FHOD3: variants seen among roughly 807,000 people sequenced by gnomAD.
The protein encoded by FHOD3 is FH1/FH2 domain-containing protein 3.
Under a neutral mutation model 173.0 loss-of-function variants are expected in FHOD3, and 90 were observed. That is an observed-to-expected ratio of 0.52 (90% CI 0.44 to 0.62). The LOEUF is 0.62. Among genes scored for constraint, FHOD3 ranks in the 20% least tolerant of loss-of-function variants. The pLI is 0.00. For synonymous variants in FHOD3, 828 were observed against 823.0 expected, an observed-to-expected ratio of 1.01 and a Z score of -0.10; for missense variants, 1,945 against 2,034.7, an observed-to-expected ratio of 0.96 and a Z score of 0.85.
In FHOD3 at chr18:36,677,162, AT is replaced by A. The variant is rs111799901; in HGVS notation, c.1836-4260del. Among the ~76,000 whole-genome samples, 907 of 140,588 alleles carry A rather than the reference AT, an allele frequency of 6.5e-3. 1 individual carries two copies. Among genetic ancestry groups the A allele is most frequent in the Non-Finnish European group, 6.6e-3 (423 of 63,970 alleles). The allele number at this position is 140,588 out of a possible 152,430, so 92.2% of individuals were successfully genotyped here. ...TTTGGTATAAGGTGGGACTAGTTGT[AT>A]TTTTTTTTTTTTTAGATGGAGTTTT... On this transcript the variant is annotated intron_variant, in intron 14 of 28. Transcript: ENST00000590592.
intron 25 of FHOD3, among the ~76,000 whole-genome samples, chr18:36,758,412 G>A (rs1177351080): frequency 6.6e-6 from 1 of 152,214 alleles, no homozygotes; most frequent in Non-Finnish European, 1.5e-5. Flanking sequence ...GTAACTTAAA[G>A]CAGTTTAGTG....
intron 14 of FHOD3, among the ~76,000 whole-genome samples, chr18:36,667,661 T>G (rs886565864): frequency 6.6e-6 from 1 of 152,110 alleles, no homozygotes; most frequent in East Asian, 1.9e-4. Context: ...TACATCTATG[T>G]GGGGTACTCA....
rs1231865825 is a variant in FHOD3, at chr18:36,693,353, C to T, written c.2166C>T (p.Pro722=). 6.2e-7 allele frequency: 1 copy of T among 1,613,876 alleles called. No homozygotes were observed. Among genetic ancestry groups the T allele is most frequent in the Admixed American group, 1.7e-5 (1 of 60,004 alleles). The change falls in exon 17 of 29, where the codon CCC becomes CCT. Residue 722 remains proline, a synonymous_variant. Transcript: ENST00000590592. The stretch of plus-strand genomic sequence containing the variant: ...GCCTGGCTCCTCTGAGCCATAGCCC[C>T]TCATCTTCAGACTCTCAAGAGGCTC... ...PACLAPLSHS[P]SSSDSQEALT...
chr18:36,484,267 T>C (rs2054078207), intron 3 of FHOD3, among the ~76,000 whole-genome samples: 1 of 152,218 alleles, frequency 6.6e-6, no homozygotes, highest in African/African-American at 2.4e-5. Flanking sequence ...TTCAATTGTC[T>C]AGTTCTTTTA....
At chr18:36,379,667 C>A (rs1401250878) in intron 3 of FHOD3, among the ~76,000 whole-genome samples, 2 of 152,154 alleles carry the variant, frequency 1.3e-5, no homozygotes, top group African/African-American at 2.4e-5. Flanking sequence ...TCCTATCCAG[C>A]AAAACATCAG....
chr18:36,719,290 G>T (rs1327677990), intron 19 of FHOD3, among the ~76,000 whole-genome samples: 5 of 152,128 alleles, frequency 3.3e-5, no homozygotes, highest in African/African-American at 4.8e-5. Flanking sequence ...TTAGTATTTT[G>T]GATAAATGTT....
chr18:36,640,545 T>C (rs1372856281), intron 10 of FHOD3, among the ~76,000 whole-genome samples: 2 of 152,224 alleles, frequency 1.3e-5, no homozygotes, highest in Non-Finnish European at 2.9e-5. Context: ...CCATGTTCTT[T>C]ACCATAAATG....
chr18:36,365,796 C>CA (rs2046870905), intron 2 of FHOD3, among the ~76,000 whole-genome samples: 1 of 152,142 alleles, frequency 6.6e-6, no homozygotes, highest in East Asian at 1.9e-4. Flanking sequence ...GATGAGAGGA[C>CA]ACTAGCTGAG....
intron 17 of FHOD3, among the ~76,000 whole-genome samples, chr18:36,700,569 C>T (rs1266882678): frequency 1.3e-5 from 2 of 152,126 alleles, no homozygotes; most frequent in Non-Finnish European, 2.9e-5. Flanking sequence ...CTCTTCATTG[C>T]CATTGCGTTA....
intron 3 of FHOD3, among the ~76,000 whole-genome samples, chr18:36,387,752 G>A (rs78072408): frequency 1.3e-5 from 2 of 152,038 alleles, no homozygotes; most frequent in African/African-American, 2.4e-5. Flanking sequence ...CCTCCACCCC[G>A]CATTGGCAGG....
chr18:36,303,002 C>G (rs1357846495), intron 1 of FHOD3, among the ~76,000 whole-genome samples: 1 of 152,212 alleles, frequency 6.6e-6, no homozygotes, highest in African/African-American at 2.4e-5. Flanking sequence ...AGCCAGACAT[C>G]CAGCAGGTGC....
At chr18:36,694,701 C>T (rs1373934433) in intron 17 of FHOD3, among the ~76,000 whole-genome samples, 4 of 152,176 alleles carry the variant, frequency 2.6e-5, no homozygotes, top group African/African-American at 9.7e-5. Flanking sequence ...TTGTATCTCC[C>T]GTCCTTTACA....
At chr18:36,529,106 G>A (rs2056663954) in intron 5 of FHOD3, among the ~76,000 whole-genome samples, 1 of 152,234 alleles carries the variant, frequency 6.6e-6, no homozygotes. Context: ...AGCTGTTGGT[G>A]ATGCATGTAC....
At chr18:36,692,788 G>A (rs72897592) in intron 16 of FHOD3, among the ~76,000 whole-genome samples, 24,200 of 152,124 alleles carry the variant, frequency 0.16, 2,046 homozygotes, top group Non-Finnish European at 0.18. Flanking sequence ...TATATGGGGG[G>A]CATTTTTTTT....
chr18:36,695,197 A>C (rs1161031827), intron 17 of FHOD3, among the ~76,000 whole-genome samples: 1 of 151,688 alleles, frequency 6.6e-6, no homozygotes, highest in Non-Finnish European at 1.5e-5. Context: ...AAAAAATACA[A>C]AAAAATTAGC....
At chr18:36,577,675 A>C (rs894439624) in intron 6 of FHOD3, among the ~76,000 whole-genome samples, 2 of 152,128 alleles carry the variant, frequency 1.3e-5, no homozygotes, top group African/African-American at 4.8e-5. Flanking sequence ...TATAATTCCC[A>C]TTTGGTAGTT....
chr18:36,772,347 A>G (rs907509219), intron 28 of FHOD3, among the ~76,000 whole-genome samples: 29 of 152,358 alleles, frequency 1.9e-4, no homozygotes, highest in Admixed American at 5.9e-4. Flanking sequence ...GAACAACAAA[A>G]AGCAATTTGC....
intron 1 of FHOD3, among the ~76,000 whole-genome samples, chr18:36,349,692 G>A (rs1055633414): frequency 4.6e-5 from 7 of 152,168 alleles, no homozygotes; most frequent in African/African-American, 7.2e-5. Flanking sequence ...ACTGGACTAA[G>A]AAAAAGAAAG....
chr18:36,470,193 G>T lies in FHOD3; in HGVS notation c.338-31739G>T, dbSNP rs376836961. Among the ~76,000 whole-genome samples, 5 of 152,294 alleles carry T rather than the reference G, an allele frequency of 3.3e-5. No individual in the cohort carries two copies. In the South Asian group the frequency reaches 1.0e-3, roughly 32 times the overall value. ...CCCTTGTGAAGTCTGGAGGCCTCCG[G>T]GGGGTTTCTCTTCTGTACTGAGCAG... On this transcript the variant is annotated intron_variant, in intron 3 of 28. Transcript: ENST00000590592.
Sources: allele counts gnomAD v4.1 joint callset (sites outside exome capture counted in the v4.1 genomes callset), GRCh38; gene constraint gnomAD v4.1.1; transcripts MANE v1.5; gene names NCBI Gene and HGNC (gene_info 2026-07-23, HGNC 2026-07-21).